The following STK3 variants were observed in gnomAD, a reference collection of about 807,000 sequenced individuals.
STK3 encodes serine/threonine-protein kinase 3.
Under a neutral mutation model 58.0 loss-of-function variants are expected in STK3, and 41 were observed. The observed-to-expected ratio is 0.71, with a 90% CI of 0.55 to 0.92. STK3 has a LOEUF of 0.92. Ranked by LOEUF, STK3 falls within the 40% of genes least tolerant of loss-of-function variation. The probability of loss-of-function intolerance (pLI) is 0.00; values close to 1 mark genes in which losing one functional copy is unlikely to be tolerated. For missense variants in STK3, 479 were observed against 602.7 expected, an observed-to-expected ratio of 0.79 and a Z score of 2.15; for synonymous variants, 170 against 191.0, an observed-to-expected ratio of 0.89 and a Z score of 0.91.
At chr8:98,622,787 T>G (rs1818427294) in intron 6 of STK3, among the ~76,000 whole-genome samples, 1 of 152,220 alleles carries the variant, frequency 6.6e-6, no homozygotes, top group South Asian at 2.1e-4. Flanking sequence ...GGTAGAAACA[T>G]TCTATCAAAC....
At chr8:98,524,653 T>G (rs1042732695) in intron 10 of STK3, among the ~76,000 whole-genome samples, 7 of 152,226 alleles carry the variant, frequency 4.6e-5, no homozygotes, top group Admixed American at 3.9e-4. Flanking sequence ...CAAGAGGCCT[T>G]ACAACCTTGT....
At chr8:98,529,632 T>C (rs1239151785) in intron 9 of STK3, among the ~76,000 whole-genome samples, 2 of 152,186 alleles carry the variant, frequency 1.3e-5, no homozygotes, top group African/African-American at 2.4e-5. Context: ...CCCATGTCTA[T>C]TGCAGCATTA....
At chr8:98,547,632 G>A (rs1810810425) in intron 9 of STK3, among the ~76,000 whole-genome samples, 1 of 152,120 alleles carries the variant, frequency 6.6e-6, no homozygotes, top group Non-Finnish European at 1.5e-5. Flanking sequence ...TGAATTTACT[G>A]GAAGATAATT....
chr8:98,545,106 T>G (rs904016248), intron 9 of STK3, among the ~76,000 whole-genome samples: 1 of 152,186 alleles, frequency 6.6e-6, no homozygotes, highest in Non-Finnish European at 1.5e-5. Flanking sequence ...TGACATAGAT[T>G]CTTGACCTGG....
chr8:98,653,357 C>G (rs1007785347), intron 6 of STK3, among the ~76,000 whole-genome samples: 1 of 152,046 alleles, frequency 6.6e-6, no homozygotes, highest in Non-Finnish European at 1.5e-5. Flanking sequence ...ATTTATAGCA[C>G]TAAATACCCA....
chr8:98,884,466 T>C (rs961340718), intron 1 of STK3, among the ~76,000 whole-genome samples: 6 of 152,196 alleles, frequency 3.9e-5, no homozygotes, highest in African/African-American at 1.2e-4. Context: ...TAAGCATAAT[T>C]TATCAAGACT....
intron 10 of STK3, among the ~76,000 whole-genome samples, chr8:98,494,532 G>T (rs1325264465): frequency 6.6e-6 from 1 of 151,850 alleles, no homozygotes; most frequent in Admixed American, 6.6e-5. Flanking sequence ...GCTCACACCT[G>T]TAATCCCAGC....
intron 2 of STK3, 103 bp downstream of exon 2, chr8:98,774,636 A>G: frequency 1.3e-6 from 1 of 780,960 alleles, no homozygotes. Context: ...ATTAAATACT[A>G]TTCAATTCAT....
In STK3 at chr8:98,422,935, A is replaced by G. The variant is rs117714044; in HGVS notation, n.483+11192T>C. The stretch of plus-strand genomic sequence containing the variant: ...ATTGGCCTGGTGTGAGGCCCAAGGC[A>G]TCTAGGAGGATTGGCTAAATTAAAA... On this transcript the variant is annotated intron_variant and non_coding_transcript_variant, in intron 3 of 3. Coordinates refer to the STK3 transcript ENST00000517832. Among the ~76,000 whole-genome samples, 1,317 of 152,306 alleles carry G rather than the reference A, an allele frequency of 8.6e-3. 9 individuals are homozygous for G. The highest frequency in any genetic ancestry group is 0.015 in the Non-Finnish European group (989 of 68,014).
At chr8:98,653,915 C>T (rs531623211) in intron 6 of STK3, among the ~76,000 whole-genome samples, 2 of 152,344 alleles carry the variant, frequency 1.3e-5, no homozygotes, top group East Asian at 1.9e-4. Context: ...CAAGGAGGAA[C>T]TGGTACCATT....
chr8:98,567,616 G>A (rs910817667), intron 8 of STK3, among the ~76,000 whole-genome samples: 6 of 152,030 alleles, frequency 3.9e-5, no homozygotes, highest in African/African-American at 1.4e-4. Context: ...TTGACAACTT[G>A]TCTAAAACAA....
At chr8:98,927,245 G>T (rs1839833894) in intron 1 of STK3, among the ~76,000 whole-genome samples, 1 of 152,218 alleles carries the variant, frequency 6.6e-6, no homozygotes, top group African/African-American at 2.4e-5. Flanking sequence ...TACCTGTCTT[G>T]TTCAGGGTTG....
rs539972181 is a variant in STK3 at position 98,743,863 on chromosome 8, T to G, written c.351+5413A>C. On this transcript the variant is annotated intron_variant, in intron 4 of 10. Transcript: ENST00000419617. ...TGACAAAGGGCTAATATCCAGAATC[T>G]ACAATGAACTCAAACAAATTTACAA... Among the ~76,000 whole-genome samples the G allele has an allele frequency of 8.6e-3, 1,301 of 152,162 alleles. 10 individuals carry two copies. The highest frequency in any genetic ancestry group is 0.03 in the African/African-American group (1,226 of 41,478).
At chr8:98,720,981 G>T in intron 4 of STK3, 2 of 559,224 alleles carry the variant, frequency 3.6e-6, no homozygotes. Context: ...ACCTGCCCCA[G>T]CTCAGCATTC....
At chr8:98,859,195 CA>C (rs776930690) in intron 3 of STK3, among the ~76,000 whole-genome samples, 3 of 152,150 alleles carry the variant, frequency 2.0e-5, no homozygotes, top group African/African-American at 7.2e-5. Flanking sequence ...GGTAGTAGGG[CA>C]GAGACATTAT....
At chr8:98,427,566 G>A (rs1167576787) in intron 3 of STK3, 3 of 145,338 alleles carry the variant, frequency 2.1e-5, no homozygotes, top group Non-Finnish European at 3.0e-5. Flanking sequence ...CGCCCCCCGT[G>A]TCGGCCCGGC....
the STK3 span, among the ~76,000 whole-genome samples, chr8:98,349,776 T>G: frequency 6.6e-6 from 1 of 152,216 alleles, no homozygotes; most frequent in Non-Finnish European, 1.5e-5. Context: ...AGTTGTACAT[T>G]GGCCCTTTTT....
intron 6 of STK3, among the ~76,000 whole-genome samples, chr8:98,663,301 C>T (rs1563864169): frequency 6.6e-6 from 1 of 152,090 alleles, no homozygotes; most frequent in African/African-American, 2.4e-5. Flanking sequence ...CAGAGAAATG[C>T]AAATCAAAAC....
intron 1 of STK3, among the ~76,000 whole-genome samples, chr8:98,884,826 A>G (rs1837920297): frequency 1.3e-5 from 2 of 152,244 alleles, no homozygotes; most frequent in Admixed American, 6.5e-5. Flanking sequence ...TTATATTCCC[A>G]GTACCTAAAA....
Sources: allele counts gnomAD v4.1 joint callset (sites outside exome capture counted in the v4.1 genomes callset), GRCh38; gene constraint gnomAD v4.1.1; transcripts MANE v1.5; gene names NCBI Gene and HGNC (gene_info 2026-07-23, HGNC 2026-07-21).